Variants in CDH12 observed in about 807,000 individuals in gnomAD.
CDH12 encodes cadherin 12, also known as cadherin-12.
A neutral mutation model predicts 74.1 loss-of-function variants in CDH12; 41 were observed. The ratio of observed to expected loss-of-function variants is 0.55; its 90% CI spans 0.43 to 0.72. CDH12 has a LOEUF of 0.72. Among genes scored for constraint, CDH12 ranks in the 30% least tolerant of loss-of-function variants. CDH12 has a pLI of 0.00. For missense variants in CDH12, 945 were observed against 977.2 expected (o/e 0.97, Z 0.44); for synonymous variants, 399 against 355.0 (o/e 1.12, Z -1.39).
chr5:22,032,815 TAC>T (rs757479604), intron 5 of CDH12, among the ~76,000 whole-genome samples: 165 of 146,634 alleles, frequency 1.1e-3, no homozygotes, highest in Non-Finnish European at 1.5e-3. Context: ...TGTGTATATA[TAC>T]ACACACACAC....
chr5:21,986,467 T>A lies in CDH12; in HGVS notation c.232-11082A>T, dbSNP rs1030672867. 3.3e-5 allele frequency among the ~76,000 whole-genome samples: 5 copies of A among 152,302 alleles called. No homozygotes were observed. The South Asian group carries it at 8.3e-4, about 25-fold the overall frequency. On this transcript the variant is annotated intron_variant, in intron 5 of 14. Coordinates refer to ENST00000382254, the MANE Select transcript of CDH12 (RefSeq NM_004061.5). ...TGTGAATAAGAACTTCTATAAAAGT[T>A]GGAGAGGTCACTGGCTTGGACCCAG...
At chr5:22,518,305 A>C (rs1736892474) in intron 1 of CDH12, among the ~76,000 whole-genome samples, 1 of 152,214 alleles carries the variant, frequency 6.6e-6, no homozygotes, top group African/African-American at 2.4e-5. Context: ...GTTTCTCCAC[A>C]AGGAAAATGT....
chr5:22,676,941 A>C (rs1453569776), intron 1 of CDH12, among the ~76,000 whole-genome samples: 2 of 152,196 alleles, frequency 1.3e-5, no homozygotes, highest in Non-Finnish European at 2.9e-5. Flanking sequence ...TATGCTTAGC[A>C]ATACAATCTG....
chr5:22,688,120 G>T (rs1247977576), intron 1 of CDH12, among the ~76,000 whole-genome samples: 1 of 151,964 alleles, frequency 6.6e-6, no homozygotes, highest in Non-Finnish European at 1.5e-5. Context: ...ACATAGTCCC[G>T]TTTCATTGTG....
chr5:22,411,329 T>C (rs1743161267), intron 2 of CDH12, among the ~76,000 whole-genome samples: 1 of 151,910 alleles, frequency 6.6e-6, no homozygotes, highest in Non-Finnish European at 1.5e-5. Context: ...CAGATAGGAA[T>C]CATCATTTTA....
chr5:22,576,101 C>T (rs932308635), intron 1 of CDH12, among the ~76,000 whole-genome samples: 1 of 152,146 alleles, frequency 6.6e-6, no homozygotes, highest in Non-Finnish European at 1.5e-5. Flanking sequence ...TTTGTGTTCC[C>T]CAGGAATCTT....
chr5:21,969,239 T>C (rs1158365249), intron 6 of CDH12, among the ~76,000 whole-genome samples: 3 of 152,002 alleles, frequency 2.0e-5, no homozygotes, highest in Non-Finnish European at 2.9e-5. Flanking sequence ...GCTGATGCTA[T>C]AGTGGGTTGA....
At chr5:22,511,494 A>G (rs904837425) in intron 1 of CDH12, among the ~76,000 whole-genome samples, 1 of 152,346 alleles carries the variant, frequency 6.6e-6, no homozygotes, top group South Asian at 2.1e-4. Flanking sequence ...AGCCATTATC[A>G]GAGAAATCCA....
intron 7 of CDH12, among the ~76,000 whole-genome samples, chr5:21,843,750 G>C (rs957762508): frequency 6.6e-6 from 1 of 151,936 alleles, no homozygotes; most frequent in Non-Finnish European, 1.5e-5. Flanking sequence ...TTCAGCTCAG[G>C]CTCCTGAAGC....
chr5:21,843,155 C>T (rs565916231), intron 7 of CDH12, among the ~76,000 whole-genome samples: 87 of 152,236 alleles, frequency 5.7e-4, no homozygotes, highest in African/African-American at 1.9e-3. Flanking sequence ...ACATTTCATA[C>T]CAAATTCCAA....
chr5:21,907,724 T>C (rs1329032136), intron 6 of CDH12, among the ~76,000 whole-genome samples: 2 of 152,208 alleles, frequency 1.3e-5, no homozygotes, highest in East Asian at 1.9e-4. Context: ...TCTGCTGCTC[T>C]ACCTGGCTTG....
chr5:22,770,752 A>G (rs752326290), intron 1 of CDH12, among the ~76,000 whole-genome samples: 1 of 152,090 alleles, frequency 6.6e-6, no homozygotes, highest in Non-Finnish European at 1.5e-5. Context: ...TTAATATTAC[A>G]TTTTTTAGAT....
chr5:22,066,958 G>A (rs1741607220), intron 5 of CDH12, among the ~76,000 whole-genome samples: 1 of 152,122 alleles, frequency 6.6e-6, no homozygotes, highest in Non-Finnish European at 1.5e-5. Flanking sequence ...CTGGTACCTG[G>A]TATGAAGCTT....
chr5:22,657,017 G>A (rs1169037646), intron 1 of CDH12, among the ~76,000 whole-genome samples: 1 of 151,934 alleles, frequency 6.6e-6, no homozygotes, highest in Non-Finnish European at 1.5e-5. Context: ...CAAAATGCTG[G>A]CTTTACAGGT....
intron 3 of CDH12, among the ~76,000 whole-genome samples, chr5:22,340,719 A>G (rs1040711263): frequency 6.6e-6 from 1 of 152,184 alleles, no homozygotes; most frequent in African/African-American, 2.4e-5. Flanking sequence ...ATTCTGTTTT[A>G]AATCTTAGTC....
At chr5:22,755,776 T>C (rs1445872075) in intron 1 of CDH12, among the ~76,000 whole-genome samples, 1 of 152,032 alleles carries the variant, frequency 6.6e-6, no homozygotes, top group Non-Finnish European at 1.5e-5. Context: ...ACTTTTTATC[T>C]TTTCTTGGGT....
chr5:22,274,379 C>G (rs1298334914), intron 3 of CDH12, among the ~76,000 whole-genome samples: 2 of 152,062 alleles, frequency 1.3e-5, no homozygotes, highest in East Asian at 3.8e-4. Context: ...ATAGATTTAG[C>G]ACATATCCTC....
intron 1 of CDH12, among the ~76,000 whole-genome samples, chr5:22,659,811 C>A (rs1213301187): frequency 6.6e-6 from 1 of 151,782 alleles, no homozygotes; most frequent in Non-Finnish European, 1.5e-5. Context: ...TAAGTTGCAG[C>A]CATTTTTCTC....
intron 2 of CDH12, among the ~76,000 whole-genome samples, chr5:22,474,891 T>A (rs537966109): frequency 1.3e-5 from 2 of 152,144 alleles, no homozygotes; most frequent in South Asian, 2.1e-4. Flanking sequence ...TCATTAGTAA[T>A]AATTAATGAA....
Sources: gnomAD v4.1 joint callset for allele counts (sites outside exome capture counted in the v4.1 genomes callset) on GRCh38, gnomAD v4.1.1 for gene constraint, MANE v1.5 for transcripts, NCBI Gene and HGNC (gene_info 2026-07-23, HGNC 2026-07-21) for gene names.